The following LARP7 variants were observed in gnomAD, a reference collection of about 807,000 sequenced individuals.
LARP7 encodes La ribonucleoprotein 7, transcriptional regulator.
Under a neutral mutation model 69.3 loss-of-function variants are expected in LARP7, and 52 were observed. That is an observed-to-expected ratio of 0.75 (90% CI 0.60 to 0.95). The LOEUF is 0.95. Ranked by LOEUF, LARP7 falls within the 40% of genes least tolerant of loss-of-function variation. The pLI, the probability that LARP7 is intolerant of heterozygous loss-of-function variation, is 0.00. For missense variants in LARP7, 733 were observed against 673.0 expected, an observed-to-expected ratio of 1.09 and a Z score of -0.99; for synonymous variants, 254 against 215.9, an observed-to-expected ratio of 1.18 and a Z score of -1.55.
chr4:112,647,254 C>G lies in LARP7; in HGVS notation c.702C>G (p.Ile234Met). The G allele has an allele frequency of 4.3e-6, 7 of 1,610,394 alleles. No homozygotes were observed. Among genetic ancestry groups the G allele is most frequent in the Non-Finnish European group, 5.9e-6 (7 of 1,179,078 alleles). The part of the protein sequence containing the change: ...KKGRMKKEDN[I>M]QAKEENMDTS... Reference sequence around the variant, plus strand: ...GCCGAATGAAAAAGGAAGACAATATCCAAGCCAAAGAAGAAAACATGGACA... The same window carrying G: ...GCCGAATGAAAAAGGAAGACAATATGCAAGCCAAAGAAGAAAACATGGACA... Residue 234 changes from isoleucine (I) to methionine (M), a missense_variant, in exon 7 of 13, where the codon ATC becomes ATG. Coordinates refer to ENST00000344442, the MANE Select transcript of LARP7 (RefSeq NM_016648.4).
chr4:112,641,880 A>G (rs1376252038), intron 1 of LARP7, among the ~76,000 whole-genome samples: 1 of 152,172 alleles, frequency 6.6e-6, no homozygotes, highest in African/African-American at 2.4e-5. Context: ...GGGAGAAGAT[A>G]GATTTGTAAA....
Position 112,647,464 on chromosome 4 carries a change from A to C in LARP7, c.912A>C (p.Glu304Asp). ...AGAGAAGCAGCTCTGAAGATGCAGAATCCCTAGCTCCCCGATCAAAAGTAA... is the reference window on the plus strand; with the variant it reads ...AGAGAAGCAGCTCTGAAGATGCAGACTCCCTAGCTCCCCGATCAAAAGTAA... ...KRKRSSSEDA[E>D]SLAPRSKVKK... is the part of the protein sequence containing the mutation. The change falls in exon 7 of 13, where the codon GAA (glutamate) becomes GAC (aspartate). Residue 304 changes from glutamate (E) to aspartate (D), a missense_variant. Coordinates refer to ENST00000344442, the MANE Select transcript of LARP7 (RefSeq NM_016648.4). 6.2e-7 allele frequency: 1 copy of C among 1,614,090 alleles called. No individual in the cohort carries two copies. Among genetic ancestry groups the C allele is most frequent in the South Asian group, 1.1e-5 (1 of 91,072 alleles).
chr4:112,653,260 T>G, intron 11 of LARP7, 24 bp downstream of exon 11: 2 of 1,528,594 alleles, frequency 1.3e-6, no homozygotes, highest in Non-Finnish European at 1.8e-6. Flanking sequence ...GACGTTTCCT[T>G]TTTTTTTTGT....
At chr4:112,653,321 A>T in intron 11 of LARP7, 85 bp downstream of exon 11, 2 of 1,144,600 alleles carry the variant, frequency 1.7e-6, no homozygotes, top group South Asian at 1.8e-5. Flanking sequence ...TAATGAAACT[A>T]GTTTTTTTTT....
chr4:112,638,494 T>C (rs1410793947), intron 1 of LARP7, among the ~76,000 whole-genome samples: 1 of 152,206 alleles, frequency 6.6e-6, no homozygotes, highest in Non-Finnish European at 1.5e-5. Context: ...AAAGATGCAA[T>C]TAATTATTGT....
At chr4:112,657,109 C>T (rs1392153022) in intron 12 of LARP7, 138 bp from the exon 13 acceptor site, 2 of 428,662 alleles carry the variant, frequency 4.7e-6, no homozygotes, top group Non-Finnish European at 8.5e-6. Context: ...GTCATCTTCT[C>T]GCTGTTTTTA....
At chr4:112,645,201 T>C (rs1435477704) in intron 2 of LARP7, among the ~76,000 whole-genome samples, 1 of 152,086 alleles carries the variant, frequency 6.6e-6, no homozygotes, top group Non-Finnish European at 1.5e-5. Flanking sequence ...CACCTCAGCC[T>C]CCCAAAATGC....
At chr4:112,651,102 T>G (rs2048711200) in intron 10 of LARP7, among the ~76,000 whole-genome samples, 1 of 152,240 alleles carries the variant, frequency 6.6e-6, no homozygotes, top group African/African-American at 2.4e-5. Flanking sequence ...TATATACTTT[T>G]AGGTGAGAGT....
At chr4:112,656,888 G>C (rs192942064) in intron 12 of LARP7, among the ~76,000 whole-genome samples, 1 of 152,124 alleles carries the variant, frequency 6.6e-6, no homozygotes, top group African/African-American at 2.4e-5. Flanking sequence ...TTACTCCAAA[G>C]TTTAATATTT....
In LARP7 at chr4:112,649,683, AAAAGT is replaced by A; in HGVS notation, c.1294+2_1294+6del. 2.5e-6 allele frequency: 4 copies of A among 1,586,152 alleles called. No individual in the cohort carries two copies. Among genetic ancestry groups the A allele is most frequent in the African/African-American group, 2.7e-5 (2 of 73,572 alleles). On this transcript the variant is annotated splice_donor_variant and coding_sequence_variant, in exon 9 of 13. Coordinates refer to ENST00000344442, the MANE Select transcript of LARP7 (RefSeq NM_016648.4). LOFTEE classifies it high-confidence loss of function. ...TCAAAACACTGGAATGAAAAATGAA[AAAAGT>A]AAAGATCACTGATAGTTTTGACAAC...
At position 112,647,275 on chromosome 4, in the gene LARP7, G is replaced by A. The variant is rs755277679; in HGVS notation, c.723G>A (p.Met241Ile). The A allele has an allele frequency of 3.5e-5, 56 of 1,613,212 alleles. No individual in the cohort carries two copies. The highest frequency in any genetic ancestry group is 4.5e-5 in the Non-Finnish European group (53 of 1,179,912). Residue 241 changes from methionine (M) to isoleucine (I), a missense_variant, in exon 7 of 13, where the codon ATG becomes ATA. Transcript: ENST00000344442. ...EDNIQAKEEN[M>I]DTSNTSISKM... Reference sequence around the variant, plus strand: ...ATATCCAAGCCAAAGAAGAAAACATGGACACAAGCAACACCAGCATCAGTA... The same window carrying A: ...ATATCCAAGCCAAAGAAGAAAACATAGACACAAGCAACACCAGCATCAGTA...
intron 7 of LARP7, 53 bp downstream of exon 7, chr4:112,647,602 T>TTTTTAATTAATTAGG (rs761511399): frequency 1.3e-4 from 192 of 1,460,348 alleles, no homozygotes; most frequent in African/African-American, 1.1e-3. Context: ...AATTAATTAG[T>TTTTTAATTAATTAGG]TTTTAATTAA....
Position 112,646,575 on chromosome 4 carries a change from T to A in LARP7, c.304-13T>A. 1 of 1,488,632 alleles carries A rather than the reference T, an allele frequency of 6.7e-7. No individual in the cohort carries two copies. The highest frequency in any genetic ancestry group is 9.1e-7 in the Non-Finnish European group (1 of 1,100,384). 92.2% of individuals were successfully genotyped at this position (1,488,632 alleles called of 1,614,324 possible). ...TAATATTAGTTTTATTAATGTAATATACTATTTTAAAGCTTGATTTGGAAG... is the reference window on the plus strand; with the variant it reads ...TAATATTAGTTTTATTAATGTAATAAACTATTTTAAAGCTTGATTTGGAAG... On this transcript the variant is annotated splice_polypyrimidine_tract_variant and intron_variant, in intron 3 of 12. Transcript: ENST00000344442.
intron 12 of LARP7, among the ~76,000 whole-genome samples, chr4:112,656,150 ATCCCAGC>A (rs2048946735): frequency 6.6e-6 from 1 of 152,214 alleles, no homozygotes; most frequent in Non-Finnish European, 1.5e-5. Flanking sequence ...CATGCCTATA[ATCCCAGC>A]ACTTTAGGAG....
At chr4:112,646,241 A>AT (rs1201664846) in intron 2 of LARP7, 110 bp from the exon 3 acceptor site, 1 of 559,186 alleles carries the variant, frequency 1.8e-6, no homozygotes, top group African/African-American at 2.0e-5. Flanking sequence ...AAGTACTAGG[A>AT]TTACAGGCAT....
At chr4:112,655,333 A>C (rs1279421092) in intron 12 of LARP7, 1 of 152,208 alleles carries the variant, frequency 6.6e-6, no homozygotes, top group Non-Finnish European at 1.5e-5. Flanking sequence ...ACTAGGAATA[A>C]ACCTTTTATT....
intron 3 of LARP7, 48 bp from the exon 4 acceptor site, chr4:112,646,540 C>T (rs1457075068): frequency 4.7e-6 from 6 of 1,279,856 alleles, no homozygotes; most frequent in Admixed American, 2.4e-5. Flanking sequence ...TTATAGCTTA[C>T]AATTATAAAT....
intron 3 of LARP7, 60 bp from the exon 4 acceptor site, chr4:112,646,528 G>A: frequency 1.6e-6 from 2 of 1,263,258 alleles, no homozygotes; most frequent in Non-Finnish European, 2.2e-6. Context: ...ATTATTATAT[G>A]ATTATAGCTT....
chr4:112,648,482 T>C, intron 8 of LARP7: 1 of 533,828 alleles, frequency 1.9e-6, no homozygotes, highest in Non-Finnish European at 3.9e-6. Flanking sequence ...GTAAATTGGA[T>C]TCACTCCTAC....
Sources: gnomAD v4.1 joint callset for allele counts (sites outside exome capture counted in the v4.1 genomes callset) on GRCh38, gnomAD v4.1.1 for gene constraint, MANE v1.5 for transcripts, NCBI Gene and HGNC (gene_info 2026-07-23, HGNC 2026-07-21) for gene names.